The following ASH1L variants were observed in gnomAD, a reference collection of about 807,000 sequenced individuals.
The protein encoded by ASH1L is ASH1 like histone lysine methyltransferase, also known as histone-lysine N-methyltransferase ASH1L.
Under a neutral mutation model 269.0 loss-of-function variants are expected in ASH1L, and 23 were observed. That is an observed-to-expected ratio of 0.09 (90% CI 0.06 to 0.12). ASH1L has a LOEUF of 0.12. Ranked by LOEUF, ASH1L falls within the 10% of genes least tolerant of loss-of-function variation. The pLI, the probability that ASH1L is intolerant of heterozygous loss-of-function variation, is 1.00. For synonymous variants in ASH1L, 1,187 were observed against 1,253.5 expected (o/e 0.95, Z 1.12); for missense variants, 2,912 against 3,567.8 (o/e 0.82, Z 4.68).
At chr1:155,501,757 G>A (rs1667516446) in intron 2 of ASH1L, among the ~76,000 whole-genome samples, 3 of 152,044 alleles carry the variant, frequency 2.0e-5, no homozygotes, top group South Asian at 4.1e-4. Context: ...CCACCTCCCG[G>A]GTTCAAGCGA....
chr1:155,529,709 T>C (rs988882002), intron 1 of ASH1L, among the ~76,000 whole-genome samples: 1 of 152,166 alleles, frequency 6.6e-6, no homozygotes, highest in Non-Finnish European at 1.5e-5. Context: ...CTGATTCAGA[T>C]CATGTCACTC....
chr1:155,487,890 CTT>C (rs755016145), intron 2 of ASH1L, among the ~76,000 whole-genome samples: 17 of 142,732 alleles, frequency 1.2e-4, no homozygotes, highest in Non-Finnish European at 1.4e-4. Flanking sequence ...TGGTTTTTCA[CTT>C]TTTTTTTTTT....
At chr1:155,344,394 T>C (rs1263206228) in intron 21 of ASH1L, 121 bp from the exon 22 acceptor site, 1 of 712,932 alleles carries the variant, frequency 1.4e-6, no homozygotes, top group East Asian at 2.8e-5. Context: ...ACCACAGATA[T>C]ACAAAAAAGA....
intron 9 of ASH1L, 34 bp downstream of exon 9, chr1:155,378,469 T>C (rs777966122): frequency 1.2e-5 from 19 of 1,611,668 alleles, no homozygotes; most frequent in Non-Finnish European, 1.4e-5. Flanking sequence ...CATTAACGTA[T>C]AGAGGCAGAA....
intron 12 of ASH1L, among the ~76,000 whole-genome samples, chr1:155,365,904 C>A (rs1421148633): frequency 6.6e-6 from 1 of 152,168 alleles, no homozygotes. Flanking sequence ...GCTATTCAAC[C>A]TGAAGAAATT....
At chr1:155,475,953 C>A (rs1665505032) in intron 3 of ASH1L, among the ~76,000 whole-genome samples, 1 of 152,158 alleles carries the variant, frequency 6.6e-6, no homozygotes, top group Non-Finnish European at 1.5e-5. Context: ...CTCAATGAAC[C>A]TGTGTGCCTC....
rs745311605 is a variant in ASH1L, at chr1:155,480,283, G to C, written c.2587C>G (p.Gln863Glu). The change falls in exon 3 of 28, where the codon CAA becomes GAA. Residue 863 changes from glutamine to glutamate, a missense_variant. Transcript: ENST00000392403. ...TCTGGCTGTAAAATTGGGGGTTCTTGTTCTTCCTTAGACTGTAAAGAAAAC... is the reference window on the plus strand; with the variant it reads ...TCTGGCTGTAAAATTGGGGGTTCTTCTTCTTCCTTAGACTGTAAAGAAAAC... ...KVFSLQSKEEQEPPILQPEIE... is the reference protein window; with the variant it reads ...KVFSLQSKEEEEPPILQPEIE... 1.6e-5 allele frequency: 26 copies of C among 1,614,152 alleles called. No individual in the cohort carries two copies. Among genetic ancestry groups the C allele is most frequent in the Non-Finnish European group, 2.2e-5 (26 of 1,180,006 alleles).
intron 2 of ASH1L, among the ~76,000 whole-genome samples, chr1:155,492,504 T>TTTGCTCATTGTTCTAAGAACA (rs1394897297): frequency 2.0e-5 from 3 of 152,122 alleles, no homozygotes; most frequent in South Asian, 4.1e-4. Flanking sequence ...TTCCAAAAGG[T>TTTGCTCATTGTTCTAAGAACA]TTGCTCATTG....
At chr1:155,403,635 T>A (rs928532026) in intron 6 of ASH1L, among the ~76,000 whole-genome samples, 2 of 152,156 alleles carry the variant, frequency 1.3e-5, no homozygotes, top group Admixed American at 1.3e-4. Flanking sequence ...TCTTTTTACT[T>A]CTTCAGTATT....
intron 1 of ASH1L, among the ~76,000 whole-genome samples, chr1:155,532,961 G>GT (rs1391372636): frequency 4.4e-4 from 11 of 25,234 alleles, no homozygotes; most frequent in African/African-American, 1.3e-3. Flanking sequence ...ATATATATAT[G>GT]GGGGGAGAGA....
chr1:155,389,259 A>G (rs1057068721), intron 7 of ASH1L, among the ~76,000 whole-genome samples: 6 of 151,986 alleles, frequency 3.9e-5, no homozygotes, highest in African/African-American at 1.4e-4. Context: ...CGGCCTCCCA[A>G]AGTGTTGGGA....
intron 2 of ASH1L, among the ~76,000 whole-genome samples, chr1:155,497,893 G>A (rs1485333975): frequency 6.6e-6 from 1 of 152,068 alleles, no homozygotes; most frequent in Non-Finnish European, 1.5e-5. Flanking sequence ...GGGACTACAG[G>A]CGCCTGCCAC....
intron 5 of ASH1L, 58 bp from the exon 6 acceptor site, chr1:155,415,981 A>G: frequency 7.4e-7 from 1 of 1,344,582 alleles, no homozygotes; most frequent in Non-Finnish European, 9.9e-7. Flanking sequence ...CCTACAAATA[A>G]TTGTCTACTT....
chr1:155,388,697 G>A (rs1657643292), intron 7 of ASH1L, among the ~76,000 whole-genome samples: 1 of 144,414 alleles, frequency 6.9e-6, no homozygotes, highest in African/African-American at 2.6e-5. Context: ...CCTGGTCTAT[G>A]TGTCCTGAAT....
At chr1:155,341,802 G>A in intron 25 of ASH1L, 134 bp downstream of exon 25, 4 of 890,444 alleles carry the variant, frequency 4.5e-6, no homozygotes, top group South Asian at 1.6e-5. Context: ...CCCAAATAGA[G>A]ACAGAGATAT....
intron 1 of ASH1L, among the ~76,000 whole-genome samples, chr1:155,556,423 TG>T (rs1671592733): frequency 6.6e-6 from 1 of 151,580 alleles, no homozygotes; most frequent in African/African-American, 2.4e-5. Flanking sequence ...TGTGTGTGTG[TG>T]TGTGTGTGTG....
At chr1:155,359,704 T>C (rs188613456) in intron 13 of ASH1L, among the ~76,000 whole-genome samples, 1 of 152,070 alleles carries the variant, frequency 6.6e-6, no homozygotes, top group South Asian at 2.1e-4. Flanking sequence ...GCCTCCCAAG[T>C]AGCTGGGACC....
At position 155,479,092 on chromosome 1, in the gene ASH1L, G is replaced by A; in HGVS notation, c.3778C>T (p.Leu1260Phe). Residue 1260 changes from leucine (L) to phenylalanine (F), a missense_variant, in exon 3 of 28, where the codon CTC (leucine) becomes TTC (phenylalanine). This residue lies in a region of ASH1L where 789 missense variants were observed against 897.6 expected (regional missense o/e 0.88). Transcript: ENST00000392403. ...HKCKRRNHDY[L>F]SYDKMKRQKR... ...TGCCTTTTCATCTTGTCATAGCTGA[G>A]GTAATCATGATTCCTGCGCTTACAT... 1 of 1,614,052 alleles carries A rather than the reference G, an allele frequency of 6.2e-7. No individual in the cohort carries two copies. Among genetic ancestry groups the A allele is most frequent in the Non-Finnish European group, 8.5e-7 (1 of 1,180,002 alleles).
chr1:155,410,386 C>T (rs1374733052), intron 6 of ASH1L, among the ~76,000 whole-genome samples: 1 of 152,138 alleles, frequency 6.6e-6, no homozygotes. Flanking sequence ...TCACTGCAAC[C>T]TCTGCCTCCG....
Sources: allele counts gnomAD v4.1 joint callset (sites outside exome capture counted in the v4.1 genomes callset), GRCh38; gene constraint gnomAD v4.1.1; regional missense constraint gnomAD v4.1.1; transcripts MANE v1.5; gene names NCBI Gene and HGNC (gene_info 2026-07-23, HGNC 2026-07-21).